The following TOX variants were observed in gnomAD, a reference collection of about 807,000 sequenced individuals.
TOX encodes thymocyte selection-associated high mobility group box protein TOX.
A neutral mutation model predicts 53.7 loss-of-function variants in TOX; 11 were observed. The ratio of observed to expected loss-of-function variants is 0.20; its 90% confidence interval spans 0.13 to 0.34. The LOEUF is 0.34. Ranked by LOEUF, TOX falls within the 10% of genes least tolerant of loss-of-function variation. TOX has a pLI of 1.00. For missense variants in TOX, 570 were observed against 664.6 expected (o/e 0.86, Z 1.56); for synonymous variants, 225 against 245.3 (o/e 0.92, Z 0.77).
chr8:58,838,257 G>C lies in TOX; in HGVS notation c.748C>G (p.Pro250Ala). 1 of 1,614,054 alleles carries C rather than the reference G, an allele frequency of 6.2e-7. No homozygotes were observed. Among genetic ancestry groups the C allele is most frequent in the Non-Finnish European group, 8.5e-7 (1 of 1,180,000 alleles). ...ASDMGKKPKT[P>A]KKKKKKDPNE... ...GGATCCTTCTTCTTCTTCTTTTTGG[G>C]AGTTTTTGGTTTTTTCCCCATATCA... The change falls in exon 5 of 9, where the codon CCC (proline) becomes GCC (alanine). Residue 250 changes from proline (P) to alanine (A), a missense_variant. Coordinates refer to ENST00000361421, the MANE Select transcript of TOX (RefSeq NM_014729.3).
intron 1 of TOX, among the ~76,000 whole-genome samples, chr8:58,985,281 T>C (rs1223511581): frequency 6.6e-6 from 1 of 152,096 alleles, no homozygotes; most frequent in Non-Finnish European, 1.5e-5. Flanking sequence ...AAAGGTAGCA[T>C]ATATACACAA....
At chr8:58,933,006 C>G (rs1184511853) in intron 3 of TOX, among the ~76,000 whole-genome samples, 1 of 152,144 alleles carries the variant, frequency 6.6e-6, no homozygotes, top group African/African-American at 2.4e-5. Context: ...AACTCCAGAA[C>G]TGGAAATTTG....
intron 4 of TOX, among the ~76,000 whole-genome samples, chr8:58,843,670 C>A (rs1200387321): frequency 6.6e-6 from 1 of 152,188 alleles, no homozygotes; most frequent in Non-Finnish European, 1.5e-5. Context: ...AAATATAAAG[C>A]TGTTTGTCTT....
chr8:58,904,027 T>G (rs1811772545), intron 3 of TOX, among the ~76,000 whole-genome samples: 1 of 152,158 alleles, frequency 6.6e-6, no homozygotes, highest in African/African-American at 2.4e-5. Flanking sequence ...AAACCTTACT[T>G]TAGCAATTAA....
intron 1 of TOX, among the ~76,000 whole-genome samples, chr8:59,023,260 C>T (rs1814169801): frequency 1.4e-5 from 2 of 147,044 alleles, no homozygotes; most frequent in Admixed American, 1.4e-4. Context: ...AATGTCCAAC[C>T]TGTGCCTGTT....
At chr8:58,809,316 T>A (rs1810039923) in intron 7 of TOX, among the ~76,000 whole-genome samples, 1 of 152,232 alleles carries the variant, frequency 6.6e-6, no homozygotes. Context: ...ATTTTCACTT[T>A]TAAAGAACTC....
intron 2 of TOX, 33 bp downstream of exon 2, chr8:58,959,910 T>G: frequency 6.8e-6 from 11 of 1,612,092 alleles, no homozygotes; most frequent in Non-Finnish European, 9.3e-6. Flanking sequence ...TAATTACAAT[T>G]TGAAACAAGG....
At chr8:58,836,947 C>G (rs1585852012) in intron 5 of TOX, among the ~76,000 whole-genome samples, 1 of 151,990 alleles carries the variant, frequency 6.6e-6, no homozygotes, top group Non-Finnish European at 1.5e-5. Flanking sequence ...TTATATGGCC[C>G]CATTTTGTAA....
chr8:59,024,164 C>A (rs1224790077), intron 1 of TOX, among the ~76,000 whole-genome samples: 2 of 152,290 alleles, frequency 1.3e-5, no homozygotes, highest in Non-Finnish European at 2.9e-5. Flanking sequence ...ACCTCTGAAT[C>A]TGTGTAATCA....
chr8:58,867,175 A>G lies in TOX; in HGVS notation c.412-15370T>C, dbSNP rs554268503. Among the ~76,000 whole-genome samples, 104 of 152,360 alleles carry G rather than the reference A, an allele frequency of 6.8e-4. 1 individual carries two copies. Among genetic ancestry groups the G allele is most frequent in the African/African-American group, 2.1e-3 (88 of 41,592 alleles). On this transcript the variant is annotated intron_variant, in intron 3 of 8. Transcript: ENST00000361421. ...TTGAAGACAAAAAACACTCTTGGCA[A>G]AGACAGAAGTCAGAATCTTCTGGAA...
At position 58,848,903 on chromosome 8, in the gene TOX, T is replaced by G. The variant is rs139488374; in HGVS notation, c.693+2621A>C. Among the ~76,000 whole-genome samples the G allele has an allele frequency of 3.2e-3, 487 of 152,246 alleles. 4 individuals are homozygous for G. Among genetic ancestry groups the G allele is most frequent in the African/African-American group, 0.011 (472 of 41,590 alleles). On this transcript the variant is annotated intron_variant, in intron 4 of 8. Transcript: ENST00000361421. Reference sequence around the variant, plus strand: ...GCACAAAGTGTTAAGAGGAAAGCTTTAAAAGCTTTTTCTGGTGTGGAACTA... The same window carrying G: ...GCACAAAGTGTTAAGAGGAAAGCTTGAAAAGCTTTTTCTGGTGTGGAACTA...
At chr8:59,075,364 C>T (rs573059396) in intron 1 of TOX, among the ~76,000 whole-genome samples, 1 of 152,292 alleles carries the variant, frequency 6.6e-6, no homozygotes, top group South Asian at 2.1e-4. Context: ...ATGAGACCCT[C>T]ACATGAGAGG....
intron 3 of TOX, among the ~76,000 whole-genome samples, chr8:58,902,349 T>C (rs1811746231): frequency 6.6e-6 from 1 of 152,154 alleles, no homozygotes; most frequent in Admixed American, 6.6e-5. Context: ...ATTCAATCCA[T>C]CATCTGCATG....
intron 3 of TOX, among the ~76,000 whole-genome samples, chr8:58,869,867 T>C (rs1204879340): frequency 3.3e-5 from 5 of 151,186 alleles, no homozygotes; most frequent in Admixed American, 6.6e-5. Context: ...TGTGACAAAA[T>C]ATAACACCAT....
At chr8:58,857,914 C>T (rs1412377573) in intron 3 of TOX, among the ~76,000 whole-genome samples, 1 of 152,122 alleles carries the variant, frequency 6.6e-6, no homozygotes, top group African/African-American at 2.4e-5. Flanking sequence ...GGATTACAGG[C>T]ATGTGCCACA....
chr8:58,887,280 T>C (rs893214158), intron 3 of TOX, among the ~76,000 whole-genome samples: 1 of 151,962 alleles, frequency 6.6e-6, no homozygotes, highest in African/African-American at 2.4e-5. Context: ...TTGTGTGTAA[T>C]TCCTGTCAAT....
rs531785063 is a variant in TOX, at chr8:59,077,590, T to C, written c.102+41296A>G. On this transcript the variant is annotated intron_variant, in intron 1 of 8. Coordinates refer to ENST00000361421, the MANE Select transcript of TOX (RefSeq NM_014729.3). ...CATGCAGCCCCCTTCTGTTGTGTTCTCCTGGCACTGAGATCTGCTGCTGCT... is the reference window on the plus strand; with the variant it reads ...CATGCAGCCCCCTTCTGTTGTGTTCCCCTGGCACTGAGATCTGCTGCTGCT... Among the ~76,000 whole-genome samples, 28 of 152,310 alleles carry C rather than the reference T, an allele frequency of 1.8e-4. 1 individual carries two copies. Among genetic ancestry groups the C allele is most frequent in the Admixed American group, 1.0e-3 (16 of 15,304 alleles).
At chr8:58,871,474 G>A (rs1811197577) in intron 3 of TOX, among the ~76,000 whole-genome samples, 1 of 152,162 alleles carries the variant, frequency 6.6e-6, no homozygotes, top group African/African-American at 2.4e-5. Context: ...GAAGCTTAAT[G>A]TATTGCAAAC....
chr8:58,985,621 G>C lies in TOX; in HGVS notation c.103-25613C>G, dbSNP rs149862863. 1.7e-3 allele frequency among the ~76,000 whole-genome samples: 261 copies of C among 152,334 alleles called. 1 individual carries two copies. The highest frequency in any genetic ancestry group is 6.0e-3 in the African/African-American group (251 of 41,578). On this transcript the variant is annotated intron_variant, in intron 1 of 8. Transcript: ENST00000361421. ...TACACTGAATTGCACACTTAAAGTG[G>C]TTAGGATGGTAAATTTTATGTTATG...
Sources: allele counts gnomAD v4.1 joint callset (sites outside exome capture counted in the v4.1 genomes callset), GRCh38; gene constraint gnomAD v4.1.1; transcripts MANE v1.5; gene names NCBI Gene and HGNC (gene_info 2026-07-23, HGNC 2026-07-21).